CELF2: variants seen among roughly 807,000 people sequenced by gnomAD.
CELF2 encodes CUGBP Elav-like family member 2.
Under a neutral mutation model 62.6 loss-of-function variants are expected in CELF2, and 8 were observed. The observed-to-expected ratio is 0.13, with a 90% CI of 0.07 to 0.23. The LOEUF (loss-of-function observed/expected upper bound fraction) is 0.23, where lower values mean the gene tolerates loss of function less well. Ranked by LOEUF, CELF2 falls within the 10% of genes least tolerant of loss-of-function variation. The probability of loss-of-function intolerance (pLI) is 1.00; values close to 1 mark genes in which losing one functional copy is unlikely to be tolerated. For synonymous variants in CELF2, 258 were observed against 250.0 expected (o/e 1.03, Z -0.30); for missense variants, 333 against 671.0 (o/e 0.50, Z 5.56).
chr10:10,765,367 G>C, the CELF2 span, among the ~76,000 whole-genome samples: 1 of 152,180 alleles, frequency 6.6e-6, no homozygotes, highest in Non-Finnish European at 1.5e-5. Context: ...CTGTCTGCGG[G>C]AAGCTGGCCA....
intron 1 of CELF2, among the ~76,000 whole-genome samples, chr10:11,107,749 T>C (rs560662293): frequency 1.3e-5 from 2 of 151,302 alleles, no homozygotes; most frequent in South Asian, 4.2e-4. Context: ...CTGGATCCTT[T>C]CTCTCATTCC....
chr10:11,271,713 GTC>G (rs1383524658), intron 7 of CELF2, among the ~76,000 whole-genome samples: 3 of 80,804 alleles, frequency 3.7e-5, no homozygotes, highest in South Asian at 3.2e-4. Context: ...CAGAGAGGGT[GTC>G]TCTGTGTGTG....
the CELF2 span, among the ~76,000 whole-genome samples, chr10:10,687,095 A>G: frequency 6.6e-6 from 1 of 152,218 alleles, no homozygotes; most frequent in East Asian, 1.9e-4. Context: ...CTACACTTAA[A>G]CTGTGGTGCC....
chr10:10,695,339 C>T, the CELF2 span, among the ~76,000 whole-genome samples: 385 of 143,328 alleles, frequency 2.7e-3, 3 homozygotes, highest in Non-Finnish European at 4.3e-3. Context: ...TTGGCCCCCA[C>T]TCTCTTCTGG....
intron 3 of CELF2, among the ~76,000 whole-genome samples, chr10:11,222,968 C>G (rs1032057914): frequency 6.6e-6 from 1 of 152,160 alleles, no homozygotes; most frequent in African/African-American, 2.4e-5. Flanking sequence ...GATGTCAGTC[C>G]AAATAAATGG....
At position 11,285,763 on chromosome 10, in the gene CELF2, A is replaced by G. The variant is rs750960311; in HGVS notation, c.842-2655A>G. Reference sequence around the variant, plus strand: ...TTCAGAGCAATTTATGTAAATGTCAAACTTGTCTGTTACCCTGTTTGTTTG... The same window carrying G: ...TTCAGAGCAATTTATGTAAATGTCAGACTTGTCTGTTACCCTGTTTGTTTG... On this transcript the variant is annotated intron_variant, in intron 8 of 12. Coordinates refer to ENST00000633077, the MANE Select transcript of CELF2 (RefSeq NM_001326342.2). The surrounding 1 kb of genome is among the most constrained non-coding windows in gnomAD (Gnocchi z 4.3). Among the ~76,000 whole-genome samples, 4 of 151,956 alleles carry G rather than the reference A, an allele frequency of 2.6e-5. No homozygotes were observed. The highest frequency in any genetic ancestry group is 6.6e-5 in the Admixed American group (1 of 15,262).
chr10:10,464,520 A>G, the CELF2 span, among the ~76,000 whole-genome samples: 1 of 151,998 alleles, frequency 6.6e-6, no homozygotes, highest in Admixed American at 6.6e-5. Flanking sequence ...GTAATTTTCT[A>G]ATTGACCAAA....
At chr10:10,591,531 T>A in the CELF2 span, among the ~76,000 whole-genome samples, 2 of 152,162 alleles carry the variant, frequency 1.3e-5, no homozygotes, top group African/African-American at 4.8e-5. Flanking sequence ...CGTTTATTCT[T>A]TTCTCCTTTA....
chr10:10,937,919 T>C (rs1399613013), intron 2 of CELF2, among the ~76,000 whole-genome samples: 1 of 152,238 alleles, frequency 6.6e-6, no homozygotes, highest in African/African-American at 2.4e-5. Flanking sequence ...CTGACATTTA[T>C]TGACTGCACA....
chr10:10,822,607 T>G (rs2057055367), intron 1 of CELF2, among the ~76,000 whole-genome samples: 1 of 152,358 alleles, frequency 6.6e-6, no homozygotes. Context: ...GGGGAAAAGA[T>G]GTCTTTTTAA....
the CELF2 span, among the ~76,000 whole-genome samples, chr10:10,545,985 A>G: frequency 2.0e-5 from 3 of 152,200 alleles, no homozygotes; most frequent in Non-Finnish European, 4.4e-5. Flanking sequence ...TCCTGGAGAA[A>G]GGGAACAATC....
the CELF2 span, among the ~76,000 whole-genome samples, chr10:10,697,118 C>T: frequency 7.0e-6 from 1 of 142,552 alleles, no homozygotes; most frequent in Non-Finnish European, 1.6e-5. Flanking sequence ...TAGAAGGAGA[C>T]AAAAAAAAAA....
At chr10:10,841,676 A>G (rs2058695720) in intron 1 of CELF2, among the ~76,000 whole-genome samples, 1 of 152,016 alleles carries the variant, frequency 6.6e-6, no homozygotes, top group Admixed American at 6.6e-5. Context: ...GTATAGCTTA[A>G]TAGTAAGTCT....
intron 2 of CELF2, among the ~76,000 whole-genome samples, chr10:10,963,708 T>G (rs1168587382): frequency 2.0e-5 from 3 of 152,194 alleles, no homozygotes; most frequent in Non-Finnish European, 1.5e-5. Context: ...GTTTACGGCT[T>G]TTGAGCAAAA....
At chr10:10,559,768 C>G in the CELF2 span, among the ~76,000 whole-genome samples, 4 of 152,136 alleles carry the variant, frequency 2.6e-5, no homozygotes, top group Non-Finnish European at 5.9e-5. Context: ...ATGAGCAAAG[C>G]CAAATTCCCT....
At chr10:10,906,908 G>A (rs1057295536) in intron 1 of CELF2, among the ~76,000 whole-genome samples, 9 of 151,702 alleles carry the variant, frequency 5.9e-5, no homozygotes, top group South Asian at 2.1e-4. Flanking sequence ...TAGTAGAGAC[G>A]GGGTTTCACC....
the CELF2 span, among the ~76,000 whole-genome samples, chr10:10,616,675 C>T: frequency 9.7e-5 from 13 of 134,012 alleles, no homozygotes; most frequent in Non-Finnish European, 1.7e-4. Context: ...CACCCAAATT[C>T]GTGTGTGTGT....
intron 1 of CELF2, among the ~76,000 whole-genome samples, chr10:11,119,743 CTT>C (rs1235821618): frequency 6.6e-6 from 1 of 151,986 alleles, no homozygotes; most frequent in Non-Finnish European, 1.5e-5. Context: ...ATGAAAAAGC[CTT>C]TATCCTCCTC....
intron 1 of CELF2, among the ~76,000 whole-genome samples, chr10:10,869,801 A>G (rs961578654): frequency 6.6e-6 from 1 of 152,162 alleles, no homozygotes; most frequent in African/African-American, 2.4e-5. Flanking sequence ...AGTCATTTAG[A>G]AAACCGGCCA....
Sources: allele counts gnomAD v4.1 joint callset (sites outside exome capture counted in the v4.1 genomes callset), GRCh38; gene constraint gnomAD v4.1.1; non-coding constraint Gnocchi (gnomAD v3.1); transcripts MANE v1.5; gene names NCBI Gene and HGNC (gene_info 2026-07-23, HGNC 2026-07-21).